The following ZC3H12B variants were observed in gnomAD, a reference collection of about 807,000 sequenced individuals.
The protein encoded by ZC3H12B is zinc finger CCCH-type containing 12B, also known as probable ribonuclease ZC3H12B.
Under a neutral mutation model 43.9 loss-of-function variants are expected in ZC3H12B, and 7 were observed. The ratio of observed to expected loss-of-function variants is 0.16; its 90% CI spans 0.09 to 0.30. The LOEUF is 0.30. Ranked by LOEUF, ZC3H12B falls within the 10% of genes least tolerant of loss-of-function variation. ZC3H12B has a pLI of 1.00. For synonymous variants in ZC3H12B, 222 were observed against 241.7 expected, an observed-to-expected ratio of 0.92 and a Z score of 0.76; for missense variants, 475 against 670.2, an observed-to-expected ratio of 0.71 and a Z score of 3.22.
the ZC3H12B span, among the ~76,000 whole-genome samples, chrX:65,124,774 A>C: frequency 9.0e-6 from 1 of 110,782 alleles, no homozygotes; most frequent in African/African-American, 3.3e-5. Context: ...TTTGCATGTA[A>C]AGGTGTTAAT....
the ZC3H12B span, among the ~76,000 whole-genome samples, chrX:65,175,868 C>T: frequency 5.2e-4 from 58 of 112,036 alleles, no homozygotes; most frequent in African/African-American, 1.5e-3. Flanking sequence ...GAAGATACTA[C>T]GCTTTACCCA....
the ZC3H12B span, among the ~76,000 whole-genome samples, chrX:65,151,777 A>T: frequency 9.0e-6 from 1 of 111,695 alleles, no homozygotes; most frequent in African/African-American, 3.3e-5. Flanking sequence ...AGACACAACC[A>T]AAAAAGAGAA....
the ZC3H12B span, among the ~76,000 whole-genome samples, chrX:65,238,013 C>T: frequency 2.7e-5 from 3 of 110,994 alleles, no homozygotes; most frequent in Admixed American, 1.9e-4. Context: ...GGAATGTTGG[C>T]CTGAAGTTTT....
intron 2 of ZC3H12B, among the ~76,000 whole-genome samples, chrX:65,372,836 C>A (rs750236689): frequency 6.3e-5 from 7 of 111,979 alleles, no homozygotes; most frequent in Admixed American, 2.8e-4. Context: ...AATGTAAAAT[C>A]TATCCTTGTC....
chrX:65,043,069 A>G, the ZC3H12B span, among the ~76,000 whole-genome samples: 1 of 111,588 alleles, frequency 9.0e-6, no homozygotes, highest in Non-Finnish European at 1.9e-5. Context: ...CTCAATTCTG[A>G]TTGACATAGG....
chrX:65,067,280 C>G, the ZC3H12B span, among the ~76,000 whole-genome samples: 5 of 111,629 alleles, frequency 4.5e-5, no homozygotes, highest in African/African-American at 1.6e-4. Context: ...TGTAGGCACC[C>G]AAAGGAATCT....
At chrX:65,115,056 T>A in the ZC3H12B span, among the ~76,000 whole-genome samples, 8 of 94,486 alleles carry the variant, frequency 8.5e-5, no homozygotes, top group African/African-American at 1.2e-4. Flanking sequence ...TATTTTTTTT[T>A]ATTTTTCTGT....
chrX:65,126,764 C>A, the ZC3H12B span, among the ~76,000 whole-genome samples: 2 of 101,737 alleles, frequency 2.0e-5, no homozygotes, highest in Non-Finnish European at 4.0e-5. Flanking sequence ...GGAGCTCTTT[C>A]TTCTGCTTGT....
At chrX:65,138,100 G>T in the ZC3H12B span, among the ~76,000 whole-genome samples, 2 of 112,480 alleles carry the variant, frequency 1.8e-5, no homozygotes, top group South Asian at 7.3e-4. Context: ...AAAGTCCTAG[G>T]ACTACTGGCA....
the ZC3H12B span, among the ~76,000 whole-genome samples, chrX:65,339,424 C>T: frequency 7.1e-5 from 8 of 112,082 alleles, no homozygotes; most frequent in African/African-American, 2.6e-4. Context: ...GAAGACCCCT[C>T]AAACATCACA....
At chrX:65,474,544 AT>A (rs1230710033) in intron 3 of ZC3H12B, among the ~76,000 whole-genome samples, 37 of 111,213 alleles carry the variant, frequency 3.3e-4, no homozygotes, top group African/African-American at 1.2e-3. Context: ...TACTATTGCT[AT>A]TTTTTAATTA....
the ZC3H12B span, among the ~76,000 whole-genome samples, chrX:65,144,455 T>A: frequency 1.8e-5 from 2 of 112,279 alleles, no homozygotes; most frequent in Non-Finnish European, 3.8e-5. Flanking sequence ...TGTATTTTTT[T>A]GTTTCAATTT....
At chrX:65,376,985 C>A (rs1025783619) in intron 2 of ZC3H12B, among the ~76,000 whole-genome samples, 2 of 110,801 alleles carry the variant, frequency 1.8e-5, no homozygotes, top group African/African-American at 6.6e-5. Flanking sequence ...GATAAGATAG[C>A]TGTTTCGAGA....
At chrX:65,344,368 C>A in the ZC3H12B span, among the ~76,000 whole-genome samples, 1 of 111,742 alleles carries the variant, frequency 8.9e-6, no homozygotes, top group African/African-American at 3.3e-5. Context: ...GGTACAAAAA[C>A]AGACACATAG....
chrX:65,345,026 G>A, the ZC3H12B span, among the ~76,000 whole-genome samples: 5 of 111,936 alleles, frequency 4.5e-5, no homozygotes, highest in African/African-American at 1.3e-4. Flanking sequence ...AGTCAAAATG[G>A]CTATTAAAAA....
intron 3 of ZC3H12B, among the ~76,000 whole-genome samples, chrX:65,438,481 C>A (rs2067253968): frequency 8.9e-6 from 1 of 111,919 alleles, no homozygotes; most frequent in Admixed American, 9.5e-5. Flanking sequence ...CGGGGAGACC[C>A]TAACCCAGAG....
At chrX:65,157,049 C>T in the ZC3H12B span, among the ~76,000 whole-genome samples, 18 of 111,382 alleles carry the variant, frequency 1.6e-4, no homozygotes, top group African/African-American at 5.9e-4. Context: ...GGCACAATCA[C>T]AGCTCACTGC....
At chrX:65,149,777 A>G in the ZC3H12B span, among the ~76,000 whole-genome samples, 2 of 78,562 alleles carry the variant, frequency 2.5e-5, no homozygotes, top group South Asian at 9.5e-4. Flanking sequence ...TAATAATAAT[A>G]ATAATAATAA....
intron 3 of ZC3H12B, among the ~76,000 whole-genome samples, chrX:65,451,812 A>G (rs750594588): frequency 2.7e-5 from 3 of 111,961 alleles, no homozygotes; most frequent in Non-Finnish European, 5.6e-5. Flanking sequence ...TTTCCTTATT[A>G]GTGAATCTTG....
Sources: allele counts gnomAD v4.1 joint callset (sites outside exome capture counted in the v4.1 genomes callset), GRCh38; gene constraint gnomAD v4.1.1; transcripts MANE v1.5; gene names NCBI Gene and HGNC (gene_info 2026-07-23, HGNC 2026-07-21).